MMP13: variants seen among roughly 807,000 people sequenced by gnomAD.
MMP13 encodes the protein matrix metallopeptidase 13.
Under a neutral mutation model 52.1 loss-of-function variants are expected in MMP13, and 45 were observed. That is an observed-to-expected ratio of 0.86 (90% CI 0.68 to 1.11). The LOEUF is 1.11. Ranked by LOEUF, MMP13 falls within the 50% of genes least tolerant of loss-of-function variation. The probability of loss-of-function intolerance (pLI) is 0.00; values close to 1 mark genes in which losing one functional copy is unlikely to be tolerated. For missense variants in MMP13, 576 were observed against 583.8 expected, an observed-to-expected ratio of 0.99 and a Z score of 0.14; for synonymous variants, 200 against 204.4, an observed-to-expected ratio of 0.98 and a Z score of 0.18.
Position 102,952,205 on chromosome 11 carries a change from A to G in MMP13, c.638-32T>C. On this transcript the variant is annotated intron_variant, in intron 4 of 9. Coordinates refer to ENST00000260302, the MANE Select transcript of MMP13 (RefSeq NM_002427.4). This position sits in a 1 kb window ranked among gnomAD's most constrained non-coding sequence, Gnocchi z 4.3. ...GAAAACAAAGAAACAATGAGAAAAA[A>G]AGGAATTCCAGTGACCAGGTAATGA... 1 of 1,610,540 alleles carries G rather than the reference A, an allele frequency of 6.2e-7. No homozygotes were observed. The highest frequency in any genetic ancestry group is 8.5e-7 in the Non-Finnish European group (1 of 1,177,284).
chr11:102,947,093 A>G (rs1555016739), intron 8 of MMP13, among the ~76,000 whole-genome samples: 1 of 152,208 alleles, frequency 6.6e-6, no homozygotes, highest in Non-Finnish European at 1.5e-5. Context: ...GTTTCACTTT[A>G]TAAACTATGG....
At chr11:102,945,862 C>A in intron 8 of MMP13, 113 bp from the exon 9 acceptor site, 1 of 644,446 alleles carries the variant, frequency 1.6e-6, no homozygotes, top group Non-Finnish European at 2.7e-6. Context: ...TTAAAATTTT[C>A]AGTCCATTTA....
rs1860629965 is a variant in MMP13 at position 102,952,556 on chromosome 11, C to T, written c.638-383G>A. Among the ~76,000 whole-genome samples, 1 of 152,088 alleles carries T rather than the reference C, an allele frequency of 6.6e-6. No homozygotes were observed. The highest frequency in any genetic ancestry group is 2.4e-5 in the African/African-American group (1 of 41,418). On this transcript the variant is annotated intron_variant, in intron 4 of 9. Transcript: ENST00000260302. This position sits in a 1 kb window ranked among gnomAD's most constrained non-coding sequence, Gnocchi z 4.3. ...CCTTAAACGAGGAGTGGGGAAATCACATAGGGTGGTACCTAGCTAGGGTGC... is the reference window on the plus strand; with the variant it reads ...CCTTAAACGAGGAGTGGGGAAATCATATAGGGTGGTACCTAGCTAGGGTGC...
At position 102,955,652 on chromosome 11, in the gene MMP13, C is replaced by T. The variant is rs554644078; in HGVS notation, c.54G>A (p.Arg18=). Residue 18 remains arginine, a synonymous_variant, in exon 1 of 10, where the codon CGG becomes CGA. Coordinates refer to ENST00000260302, the MANE Select transcript of MMP13 (RefSeq NM_002427.4). The surrounding 1 kb of genome is among the most constrained non-coding windows in gnomAD (Gnocchi z 4.9). The part of the protein sequence containing the change: ...AFLFLSWTHC[R]ALPLPSGGDE... Reference sequence around the variant, plus strand: ...CACCACCACTGGGAAGGGGCAGGGCCCGACAATGAGTCCAGCTCAAGAAGA... The same window carrying T: ...CACCACCACTGGGAAGGGGCAGGGCTCGACAATGAGTCCAGCTCAAGAAGA... 3 of 1,613,970 alleles carry T rather than the reference C, an allele frequency of 1.9e-6. No homozygotes were observed. The East Asian group carries it at 6.7e-5, about 36-fold the overall frequency.
chr11:102,948,669 A>G (rs1860555984), intron 7 of MMP13, among the ~76,000 whole-genome samples: 1 of 152,178 alleles, frequency 6.6e-6, no homozygotes, highest in South Asian at 2.1e-4. Context: ...AATGAAATAA[A>G]CTGAGTTTTC....
rs757714553 is a variant in MMP13, at chr11:102,955,546, A to G, written c.120+40T>C. 1.9e-6 allele frequency: 3 copies of G among 1,614,020 alleles called. No individual in the cohort carries two copies. In the South Asian group the frequency reaches 3.3e-5, roughly 18 times the overall value. ...TTTAAAAGAGAAGGACATTTCTGAGATGTACCAACCGCATCATCAGGATTG... is the reference window on the plus strand; with the variant it reads ...TTTAAAAGAGAAGGACATTTCTGAGGTGTACCAACCGCATCATCAGGATTG... On this transcript the variant is annotated intron_variant, in intron 1 of 9. Coordinates refer to ENST00000260302, the MANE Select transcript of MMP13 (RefSeq NM_002427.4). The surrounding 1 kb of genome is among the most constrained non-coding windows in gnomAD (Gnocchi z 4.9).
At position 102,943,764 on chromosome 11, in the gene MMP13, C is replaced by T; in HGVS notation, c.*502G>A. 1 of 163,544 alleles carries T rather than the reference C, an allele frequency of 6.1e-6. No individual in the cohort carries two copies. The highest frequency in any genetic ancestry group is 1.6e-4 in the South Asian group (1 of 6,174). 10.1% of individuals were successfully genotyped at this position (163,544 alleles called of 1,614,324 possible). ...CACATACATCTGAATATCCTCAGTGCAAAATGAAAATTATTTATTTGGAAG... is the reference window on the plus strand; with the variant it reads ...CACATACATCTGAATATCCTCAGTGTAAAATGAAAATTATTTATTTGGAAG... On this transcript the variant is annotated 3_prime_UTR_variant, in exon 10 of 10. Coordinates refer to ENST00000260302, the MANE Select transcript of MMP13 (RefSeq NM_002427.4).
rs1555017029 is a variant in MMP13 at position 102,949,163 on chromosome 11, C to A, written c.918-5G>T. 6.2e-7 allele frequency: 1 copy of A among 1,613,320 alleles called. No individual in the cohort carries two copies. Among genetic ancestry groups the A allele is most frequent in the Non-Finnish European group, 8.5e-7 (1 of 1,179,668 alleles). Reference sequence around the variant, plus strand: ...GGATGCAGGCGCCAGAAGAATCTAACACAAAAGTAAAATGGAGTTTTCTGT... The same window carrying A: ...GGATGCAGGCGCCAGAAGAATCTAAAACAAAAGTAAAATGGAGTTTTCTGT... On this transcript the variant is annotated splice_polypyrimidine_tract_variant and splice_region_variant and intron_variant, in intron 6 of 9. Coordinates refer to ENST00000260302, the MANE Select transcript of MMP13 (RefSeq NM_002427.4). This position sits in a 1 kb window ranked among gnomAD's most constrained non-coding sequence, Gnocchi z 4.2.
rs1451721058 is a variant in MMP13 at position 102,944,342 on chromosome 11, G to C, written c.1340C>G (p.Pro447Arg). The change falls in exon 10 of 10, where the codon CCC (proline) becomes CGC (arginine). Residue 447 changes from proline (P) to arginine (R), a missense_variant. Physicochemically the swap from Pro to Arg is moderately radical, Grantham distance 103. Transcript: ENST00000260302. ...CCAGATGCTGTATTCAAACTGTATG[G>C]GTCCGTTGAAAAAATAGATATAACC... ...KNGYIYFFNGPIQFEYSIWSN... is the reference protein window; with the variant it reads ...KNGYIYFFNGRIQFEYSIWSN... 4 of 1,611,698 alleles carry C rather than the reference G, an allele frequency of 2.5e-6. No individual in the cohort carries two copies. Among genetic ancestry groups the C allele is most frequent in the Non-Finnish European group, 3.4e-6 (4 of 1,178,346 alleles).
At chr11:102,944,750 G>C (rs1235228205) in intron 9 of MMP13, among the ~76,000 whole-genome samples, 2 of 148,888 alleles carry the variant, frequency 1.3e-5, no homozygotes. Flanking sequence ...TGGGATTACA[G>C]GTGCATGCCA....
chr11:102,945,241 CAA>C (rs61571704), intron 9 of MMP13: 76,694 of 607,342 alleles, frequency 0.13, 20 homozygotes, highest in Non-Finnish European at 0.14. Context: ...GAGACTCTGT[CAA>C]AAAAAAAAAA....
In MMP13 at chr11:102,951,999, A is replaced by G. The variant is rs529439799; in HGVS notation, c.799+13T>C. Reference sequence around the variant, plus strand: ...TTATAACTGATCATATTCTATTTCTATAACCGAGTTACCATAGAGAGACTG... The same window carrying G: ...TTATAACTGATCATATTCTATTTCTGTAACCGAGTTACCATAGAGAGACTG... On this transcript the variant is annotated intron_variant, in intron 5 of 9. Transcript: ENST00000260302. 4 of 1,612,068 alleles carry G rather than the reference A, an allele frequency of 2.5e-6. No homozygotes were observed. The highest frequency in any genetic ancestry group is 2.7e-5 in the African/African-American group (2 of 74,972).
chr11:102,943,506 G>A lies in MMP13; in HGVS notation c.*760C>T, dbSNP rs1555016269. The A allele has an allele frequency of 6.6e-6, 1 of 152,150 alleles. No individual in the cohort carries two copies. The highest frequency in any genetic ancestry group is 1.9e-4 in the East Asian group (1 of 5,204). 9.4% of individuals were successfully genotyped at this position (152,150 alleles called of 1,614,324 possible). ...CTATTTTGATAACAATTTTAACTTT[G>A]TAATGTGTGACTTCTGAAGAACCTG... On this transcript the variant is annotated 3_prime_UTR_variant, in exon 10 of 10. Transcript: ENST00000260302.
In MMP13 at chr11:102,949,203, C is replaced by A; in HGVS notation, c.918-45G>T. ...GAGTTTTCTGTCACATTTTTAAATGCAATATTTCTATCCTGCTAGTCACCT... is the reference window on the plus strand; with the variant it reads ...GAGTTTTCTGTCACATTTTTAAATGAAATATTTCTATCCTGCTAGTCACCT... On this transcript the variant is annotated intron_variant, in intron 6 of 9. Coordinates refer to ENST00000260302, the MANE Select transcript of MMP13 (RefSeq NM_002427.4). This position sits in a 1 kb window ranked among gnomAD's most constrained non-coding sequence, Gnocchi z 4.2. The A allele has an allele frequency of 6.2e-7, 1 of 1,605,880 alleles. No homozygotes were observed. The highest frequency in any genetic ancestry group is 8.5e-7 in the Non-Finnish European group (1 of 1,176,992).
At chr11:102,947,711 G>C (rs1046212897) in intron 8 of MMP13, among the ~76,000 whole-genome samples, 180 bp downstream of exon 8, 10 of 149,178 alleles carry the variant, frequency 6.7e-5, no homozygotes, top group African/African-American at 2.5e-4. Context: ...GTGTGTTCAA[G>C]AGAGCTTGAG....
In MMP13 at chr11:102,944,355, A is replaced by G; in HGVS notation, c.1327T>C (p.Phe443Leu). 1 of 1,607,546 alleles carries G rather than the reference A, an allele frequency of 6.2e-7. No individual in the cohort carries two copies. ...TCAAACTGTATGGGTCCGTTGAAAA[A>G]ATAGATATAACCTATAAGAAAAAGC... is the stretch of plus-strand genomic sequence containing the variant. ...AVYEKNGYIY[F>L]FNGPIQFEYS... The change falls in exon 10 of 10, where the codon TTT becomes CTT. Residue 443 changes from phenylalanine (F) to leucine (L), a missense_variant. By Grantham distance (22) the Phe-to-Leu change is conservative (BLOSUM62 0). Coordinates refer to ENST00000260302, the MANE Select transcript of MMP13 (RefSeq NM_002427.4).
In MMP13 at chr11:102,947,946, C is replaced by T; in HGVS notation, c.1156G>A (p.Val386Ile). 1 of 1,613,948 alleles carries T rather than the reference C, an allele frequency of 6.2e-7. No homozygotes were observed. The highest frequency in any genetic ancestry group is 8.5e-7 in the Non-Finnish European group (1 of 1,179,908). ...PKEVKKISAA[V>I]HFEDTGKTLL... is the part of the protein sequence containing the mutation. ...GTCTTGCCTGTATCCTCAAAGTGAA[C>T]AGCTGCACTTATCTTCTTAACTTCT... The change falls in exon 8 of 10, where the codon GTT (valine) becomes ATT (isoleucine). Residue 386 changes from valine (V) to isoleucine (I), a missense_variant. Physicochemically the swap from Val to Ile is conservative, Grantham distance 29. Transcript: ENST00000260302.
At chr11:102,945,218 T>C in intron 9 of MMP13, 2 of 743,426 alleles carry the variant, frequency 2.7e-6, no homozygotes, top group Non-Finnish European at 3.7e-6. Context: ...AACTCCAGCC[T>C]GGGTGACAGA....
Position 102,943,972 on chromosome 11 carries a change from T to A in MMP13, c.*294A>T. 1 of 363,042 alleles carries A rather than the reference T, an allele frequency of 2.8e-6. No individual in the cohort carries two copies. The highest frequency in any genetic ancestry group is 5.3e-6 in the Non-Finnish European group (1 of 188,434). 22.5% of individuals were successfully genotyped at this position (363,042 alleles called of 1,614,324 possible). Reference sequence around the variant, plus strand: ...AATATATTTTTAAATTATGCTCTCATTGACAGACCATGTGTCCCATTTGTG... The same window carrying A: ...AATATATTTTTAAATTATGCTCTCAATGACAGACCATGTGTCCCATTTGTG... On this transcript the variant is annotated 3_prime_UTR_variant, in exon 10 of 10. Transcript: ENST00000260302.
Sources: allele counts gnomAD v4.1 joint callset (sites outside exome capture counted in the v4.1 genomes callset), GRCh38; gene constraint gnomAD v4.1.1; non-coding constraint Gnocchi (gnomAD v3.1); transcripts MANE v1.5; gene names NCBI Gene and HGNC (gene_info 2026-07-23, HGNC 2026-07-21).